The following OR14I1 variants were observed in gnomAD, a reference collection of about 807,000 sequenced individuals.
The protein encoded by OR14I1 is olfactory receptor 14I1.
For synonymous variants in OR14I1, 118 were observed against 71.1 expected (o/e 1.66, Z -3.32); for missense variants, 279 against 181.8 (o/e 1.53, Z -3.07).
upstream of OR14I1, among the ~76,000 whole-genome samples, chr1:248,685,523 A>G (rs1371231133): frequency 6.6e-6 from 1 of 152,136 alleles, no homozygotes; most frequent in African/African-American, 2.4e-5. Context: ...TAGATGTAAA[A>G]TTCTACAAAA....
chr1:248,684,080 C>T (rs534382913), upstream of OR14I1, among the ~76,000 whole-genome samples: 1 of 152,114 alleles, frequency 6.6e-6, no homozygotes, highest in South Asian at 2.1e-4. Flanking sequence ...AGTCAAGTGA[C>T]GAGCAATACA....
the OR14I1 span, chr1:248,691,707 C>CA: frequency 6.6e-6 from 1 of 152,354 alleles, no homozygotes; most frequent in Non-Finnish European, 1.5e-5. Context: ...ACCAATGGGG[C>CA]AGGCCAAAGG....
chr1:248,684,900 T>C (rs1297772835), upstream of OR14I1, among the ~76,000 whole-genome samples: 5 of 152,142 alleles, frequency 3.3e-5, no homozygotes, highest in Admixed American at 3.3e-4. Context: ...TCTGTAATAT[T>C]TTAACAGTTA....
chr1:248,691,377 G>T, the OR14I1 span, among the ~76,000 whole-genome samples: 56 of 152,304 alleles, frequency 3.7e-4, no homozygotes, highest in African/African-American at 1.2e-3. Context: ...TGAGGTGCCA[G>T]AATTGCACTA....
At chr1:248,697,752 C>T in the OR14I1 span, among the ~76,000 whole-genome samples, 8 of 152,292 alleles carry the variant, frequency 5.3e-5, no homozygotes, top group Non-Finnish European at 7.4e-5. Flanking sequence ...CACTGCACTC[C>T]AGCCTGGGCA....
chr1:248,688,677 C>A, the OR14I1 span, among the ~76,000 whole-genome samples: 1 of 152,144 alleles, frequency 6.6e-6, no homozygotes, highest in Non-Finnish European at 1.5e-5. Context: ...CCCCACCCAC[C>A]AGAAAGAGTT....
the OR14I1 span, among the ~76,000 whole-genome samples, chr1:248,702,742 C>T: frequency 1.3e-5 from 2 of 152,082 alleles, no homozygotes; most frequent in Admixed American, 6.5e-5. Flanking sequence ...TGATGTGGGC[C>T]TGCTGTTCTC....
At chr1:248,688,149 T>C in the OR14I1 span, among the ~76,000 whole-genome samples, 2 of 152,250 alleles carry the variant, frequency 1.3e-5, no homozygotes, top group Admixed American at 1.3e-4. Context: ...GAAGACTGTG[T>C]AGAAAATTTA....
At chr1:248,682,997 C>A (rs1395441090), upstream of OR14I1, among the ~76,000 whole-genome samples, 2 of 152,190 alleles carry the variant, frequency 1.3e-5, no homozygotes, top group Non-Finnish European at 2.9e-5. Context: ...GTGCCCGATG[C>A]TATTATCTCT....
the OR14I1 span, among the ~76,000 whole-genome samples, chr1:248,697,477 TAAAAAAAA>T: frequency 1.6e-5 from 2 of 127,694 alleles, no homozygotes; most frequent in African/African-American, 2.8e-5. Flanking sequence ...TGGTTAGGTT[TAAAAAAAA>T]AAAAAAAAAA....
chr1:248,701,419 G>T, the OR14I1 span, among the ~76,000 whole-genome samples: 10 of 152,160 alleles, frequency 6.6e-5, no homozygotes, highest in African/African-American at 1.9e-4. Flanking sequence ...CTCCCAAAGG[G>T]CTGGGATTAC....
At chr1:248,680,599 A>C (rs547379624), downstream of OR14I1, among the ~76,000 whole-genome samples, 3 of 152,354 alleles carry the variant, frequency 2.0e-5, no homozygotes, top group South Asian at 6.2e-4. Context: ...GACAATGGCG[A>C]TGATGATAAT....
downstream of OR14I1, chr1:248,681,247 G>C: frequency 1.8e-6 from 1 of 569,612 alleles, no homozygotes; most frequent in Non-Finnish European, 3.1e-6. Flanking sequence ...CCATTCAACA[G>C]GTTTTTTTTT....
chr1:248,700,385 G>A, the OR14I1 span, among the ~76,000 whole-genome samples: 1 of 152,212 alleles, frequency 6.6e-6, no homozygotes, highest in Non-Finnish European at 1.5e-5. Context: ...TATAAAGTTT[G>A]AAAAATTGCA....
At chr1:248,684,787 C>CAT (rs1661618355), upstream of OR14I1, among the ~76,000 whole-genome samples, 1 of 147,828 alleles carries the variant, frequency 6.8e-6, no homozygotes, top group Non-Finnish European at 1.5e-5. Context: ...TACACACACA[C>CAT]ACAGATAAGC....
the OR14I1 span, among the ~76,000 whole-genome samples, chr1:248,694,561 T>A: frequency 1.3e-5 from 2 of 152,298 alleles, no homozygotes; most frequent in South Asian, 4.1e-4. Flanking sequence ...CCCTTAAAAG[T>A]ACATCTTGAA....
chr1:248,681,326 T>G (rs773833464), exon 1 of OR14I1: 21 of 648,520 alleles, frequency 3.2e-5, no homozygotes, highest in Middle Eastern at 2.6e-4. Context: ...TATGCTTTTT[T>G]GGGGTTTTGT....
the OR14I1 span, among the ~76,000 whole-genome samples, chr1:248,701,279 G>T: frequency 6.6e-6 from 1 of 152,142 alleles, no homozygotes; most frequent in East Asian, 1.9e-4. Flanking sequence ...AGCCTCCCAA[G>T]TAGCTGGGAT....
At chr1:248,681,703 C>A (rs1238722223) in exon 1 of OR14I1, 2 of 780,926 alleles carry the variant, frequency 2.6e-6, no homozygotes, top group Non-Finnish European at 4.8e-6. Flanking sequence ...CAAGCATGAG[C>A]TCAGGGCCAG....
Sources: allele counts gnomAD v4.1 joint callset (sites outside exome capture counted in the v4.1 genomes callset), GRCh38; gene constraint gnomAD v4.1.1; transcripts MANE v1.5; gene names NCBI Gene and HGNC (gene_info 2026-07-23, HGNC 2026-07-21).